Variants in CNTNAP2 observed in about 807,000 individuals in gnomAD.
CNTNAP2 encodes the protein contactin associated protein 2, also known as contactin-associated protein-like 2.
Under a neutral mutation model 155.2 loss-of-function variants are expected in CNTNAP2, and 98 were observed. The observed-to-expected ratio is 0.63, with a 90% CI of 0.54 to 0.75. CNTNAP2 has a LOEUF of 0.75. Among genes scored for constraint, CNTNAP2 ranks in the 30% least tolerant of loss-of-function variants. The pLI, the probability that CNTNAP2 is intolerant of heterozygous loss-of-function variation, is 0.00. For synonymous variants in CNTNAP2, 651 were observed against 631.2 expected (o/e 1.03, Z -0.47); for missense variants, 1,727 against 1,688.1 (o/e 1.02, Z -0.40).
At chr7:146,307,553 G>T (rs1403960494) in intron 1 of CNTNAP2, among the ~76,000 whole-genome samples, 2 of 152,082 alleles carry the variant, frequency 1.3e-5, no homozygotes. Flanking sequence ...CAAAGCTGGA[G>T]GCATCACACT....
At chr7:146,323,090 A>G (rs999429232) in intron 1 of CNTNAP2, among the ~76,000 whole-genome samples, 2 of 152,044 alleles carry the variant, frequency 1.3e-5, no homozygotes, top group Admixed American at 6.6e-5. Context: ...TATGTGACCT[A>G]AAGTTTTTGG....
Position 146,715,296 on chromosome 7 carries a change from C to T in CNTNAP2, c.98-58975C>T, listed in dbSNP as rs551839325. ...GCAGTGAGCAGAGATCGTGCCATTG[C>T]GCTCTAGCCTGAGCAACAAGAGCGA... On this transcript the variant is annotated intron_variant, in intron 1 of 23. Coordinates refer to ENST00000361727, the MANE Select transcript of CNTNAP2 (RefSeq NM_014141.6). Among the ~76,000 whole-genome samples the T allele has an allele frequency of 1.2e-4, 18 of 152,206 alleles. No individual in the cohort carries two copies. In the South Asian group the frequency reaches 2.1e-3, roughly 18 times the overall value.
chr7:147,583,936 T>C (rs1429647980), intron 12 of CNTNAP2, among the ~76,000 whole-genome samples: 4 of 152,068 alleles, frequency 2.6e-5, no homozygotes, highest in Admixed American at 2.6e-4. Flanking sequence ...CATGTGGCAC[T>C]TGTATCAAAA....
intron 10 of CNTNAP2, among the ~76,000 whole-genome samples, chr7:147,416,069 A>G (rs1797189243): frequency 6.6e-6 from 1 of 152,220 alleles, no homozygotes; most frequent in African/African-American, 2.4e-5. Flanking sequence ...TTGCAGTCTT[A>G]TAAATTCTGT....
intron 1 of CNTNAP2, among the ~76,000 whole-genome samples, chr7:146,626,890 G>A (rs1458482390): frequency 3.9e-5 from 6 of 152,018 alleles, no homozygotes; most frequent in Admixed American, 3.3e-4. Context: ...CCATTCTGAA[G>A]GCCTAACTTC....
At chr7:146,353,784 CAATAAT>C (rs564677532) in intron 1 of CNTNAP2, among the ~76,000 whole-genome samples, 1 of 150,790 alleles carries the variant, frequency 6.6e-6, no homozygotes, top group African/African-American at 2.4e-5. Context: ...CCTATTAAAA[CAATAAT>C]AATAATAATA....
chr7:146,572,129 A>G (rs560632324), intron 1 of CNTNAP2, among the ~76,000 whole-genome samples: 1 of 152,236 alleles, frequency 6.6e-6, no homozygotes, highest in Non-Finnish European at 1.5e-5. Flanking sequence ...GAATATTAAA[A>G]CTCAAATTCA....
rs183283588 is a variant in CNTNAP2 at position 148,331,885 on chromosome 7, C to T, written c.3476-51764C>T. Among the ~76,000 whole-genome samples the T allele has an allele frequency of 7.2e-5, 11 of 152,178 alleles. No homozygotes were observed. In the East Asian group the frequency reaches 1.4e-3, roughly 19 times the overall value. ...ACACTGCCCTGCACATGATCACGTTCGGTAAGTTGTGTGAGAGGGCAGGAG... is the reference window on the plus strand; with the variant it reads ...ACACTGCCCTGCACATGATCACGTTTGGTAAGTTGTGTGAGAGGGCAGGAG... On this transcript the variant is annotated intron_variant, in intron 21 of 23. Transcript: ENST00000361727.
In CNTNAP2 at chr7:147,079,626, C is replaced by T. The variant is rs562672161; in HGVS notation, c.551-28521C>T. On this transcript the variant is annotated intron_variant, in intron 4 of 23. Transcript: ENST00000361727. ...AATAATGATAATAATAATAATAATG[C>T]TAATAATAATAAATTAATTATAATA... Among the ~76,000 whole-genome samples, 15 of 149,696 alleles carry T rather than the reference C, an allele frequency of 1.0e-4. No homozygotes were observed. In the East Asian group the frequency reaches 1.6e-3, roughly 16 times the overall value.
chr7:146,323,011 C>T (rs1801033218), intron 1 of CNTNAP2, among the ~76,000 whole-genome samples: 1 of 151,732 alleles, frequency 6.6e-6, no homozygotes, highest in Non-Finnish European at 1.5e-5. Flanking sequence ...GCCAAAAGAG[C>T]CTTATATGCC....
intron 3 of CNTNAP2, among the ~76,000 whole-genome samples, chr7:146,958,714 A>G (rs1797492842): frequency 6.6e-6 from 1 of 151,816 alleles, no homozygotes; most frequent in Non-Finnish European, 1.5e-5. Flanking sequence ...CGGCCGGCCC[A>G]TTTTTATGTC....
intron 18 of CNTNAP2, among the ~76,000 whole-genome samples, chr7:148,194,186 CG>C (rs1562990725): frequency 6.7e-6 from 1 of 148,932 alleles, no homozygotes; most frequent in African/African-American, 2.5e-5. Flanking sequence ...TTTGTAGAGA[CG>C]GGGTTTCACC....
At chr7:146,723,314 C>A (rs1314091897) in intron 1 of CNTNAP2, among the ~76,000 whole-genome samples, 1 of 152,120 alleles carries the variant, frequency 6.6e-6, no homozygotes, top group Non-Finnish European at 1.5e-5. Context: ...TCTGAGAGCT[C>A]ATGGTCCAGC....
chr7:146,931,667 C>G (rs1288937642), intron 3 of CNTNAP2, among the ~76,000 whole-genome samples: 2 of 149,380 alleles, frequency 1.3e-5, no homozygotes, highest in African/African-American at 5.0e-5. Context: ...TTGAAAGGAT[C>G]AACAAAATTG....
chr7:147,527,027 T>C (rs1243444966), intron 11 of CNTNAP2, among the ~76,000 whole-genome samples: 1 of 137,452 alleles, frequency 7.3e-6, no homozygotes, highest in African/African-American at 2.9e-5. Flanking sequence ...TTTTTTTTTT[T>C]TTTTTTTTTT....
At chr7:146,393,769 A>G (rs1275303210) in intron 1 of CNTNAP2, among the ~76,000 whole-genome samples, 3 of 152,082 alleles carry the variant, frequency 2.0e-5, no homozygotes, top group Non-Finnish European at 2.9e-5. Context: ...TTAGCCTTAT[A>G]GAAAATGTTT....
intron 1 of CNTNAP2, among the ~76,000 whole-genome samples, chr7:146,655,945 A>T (rs1376777555): frequency 6.6e-6 from 1 of 152,208 alleles, no homozygotes; most frequent in Non-Finnish European, 1.5e-5. Context: ...GGAAAAAAAA[A>T]TGGGATAGGT....
chr7:146,426,530 C>A, intron 1 of CNTNAP2, among the ~76,000 whole-genome samples: 3 of 147,066 alleles, frequency 2.0e-5, no homozygotes, highest in African/African-American at 5.0e-5. Flanking sequence ...TATTATAAAA[C>A]ATTTTAAAAA....
chr7:146,470,040 C>T (rs974455975), intron 1 of CNTNAP2, among the ~76,000 whole-genome samples: 3 of 149,910 alleles, frequency 2.0e-5, no homozygotes, highest in African/African-American at 4.9e-5. Flanking sequence ...AGGGTTTCAC[C>T]GTGTTAGCCA....
Sources: gnomAD v4.1 joint callset for allele counts (sites outside exome capture counted in the v4.1 genomes callset) on GRCh38, gnomAD v4.1.1 for gene constraint, MANE v1.5 for transcripts, NCBI Gene and HGNC (gene_info 2026-07-23, HGNC 2026-07-21) for gene names.